The following MYO3A variants were observed in gnomAD, a reference collection of about 807,000 sequenced individuals.
The protein encoded by MYO3A is myosin-IIIa.
Under a neutral mutation model 192.7 loss-of-function variants are expected in MYO3A, and 180 were observed. That is an observed-to-expected ratio of 0.93 (90% CI 0.83 to 1.06). The LOEUF (loss-of-function observed/expected upper bound fraction) is 1.06. Ranked by LOEUF, MYO3A falls within the 50% of genes least tolerant of loss-of-function variation. The pLI, the probability that MYO3A is intolerant of heterozygous loss-of-function variation, is 0.00. For missense variants in MYO3A, 1,896 were observed against 1,905.0 expected (o/e 1.00, Z 0.09); for synonymous variants, 628 against 645.3 (o/e 0.97, Z 0.41).
At chr10:26,004,947 A>G (rs907781486) in intron 6 of MYO3A, among the ~76,000 whole-genome samples, 1 of 152,218 alleles carries the variant, frequency 6.6e-6, no homozygotes, top group African/African-American at 2.4e-5. Context: ...ATCATTTGGT[A>G]ACCATCTATG....
chr10:26,170,647 C>A, intron 29 of MYO3A, 108 bp downstream of exon 29: 1 of 1,211,494 alleles, frequency 8.3e-7, no homozygotes, highest in Non-Finnish European at 1.2e-6. Flanking sequence ...GTTCCTGATA[C>A]TGACACATCA....
intron 10 of MYO3A, among the ~76,000 whole-genome samples, chr10:26,043,299 T>G (rs969030423): frequency 2.6e-5 from 4 of 151,658 alleles, no homozygotes; most frequent in Admixed American, 1.3e-4. Flanking sequence ...ATGCCCACTG[T>G]AACCACTACC....
chr10:25,992,308 C>G (rs1275726223), intron 4 of MYO3A, among the ~76,000 whole-genome samples: 1 of 151,568 alleles, frequency 6.6e-6, no homozygotes, highest in African/African-American at 2.4e-5. Flanking sequence ...TGATTTGGCT[C>G]TCTGTCTGTG....
chr10:26,140,989 G>A (rs1335939453), intron 20 of MYO3A, among the ~76,000 whole-genome samples: 3 of 152,004 alleles, frequency 2.0e-5, no homozygotes, highest in South Asian at 4.2e-4. Context: ...GTGCAGTGGC[G>A]CAATCTCGGC....
chr10:26,071,895 A>G (rs756309446), intron 14 of MYO3A, among the ~76,000 whole-genome samples: 42 of 152,170 alleles, frequency 2.8e-4, no homozygotes, highest in Admixed American at 5.2e-4. Context: ...AGATATGTGT[A>G]TTACTCCATT....
chr10:26,067,726 G>A (rs551012015), intron 11 of MYO3A, among the ~76,000 whole-genome samples: 2 of 152,248 alleles, frequency 1.3e-5, no homozygotes, highest in African/African-American at 4.8e-5. Context: ...TCTAGTCTCA[G>A]CCTACTTTCC....
chr10:25,989,475 T>G (rs1485004838), intron 4 of MYO3A, among the ~76,000 whole-genome samples: 8 of 152,112 alleles, frequency 5.3e-5, no homozygotes, highest in African/African-American at 1.9e-4. Context: ...AATGCTAGGC[T>G]GCACATACTC....
At chr10:25,967,630 G>T (rs989157122) in intron 4 of MYO3A, among the ~76,000 whole-genome samples, 1 of 152,158 alleles carries the variant, frequency 6.6e-6, no homozygotes, top group African/African-American at 2.4e-5. Context: ...AGTCAATAGA[G>T]TCAGACCCAG....
At chr10:26,149,623 TA>T (rs1840682992) in intron 23 of MYO3A, among the ~76,000 whole-genome samples, 12 of 152,080 alleles carry the variant, frequency 7.9e-5, no homozygotes, top group African/African-American at 9.7e-5. Flanking sequence ...TTTTTTTTGT[TA>T]TTTTTTTAAA....
intron 34 of MYO3A, among the ~76,000 whole-genome samples, chr10:26,208,677 A>G (rs1589129277): frequency 1.3e-5 from 2 of 152,128 alleles, no homozygotes; most frequent in Admixed American, 6.5e-5. Context: ...ATGCTACTTG[A>G]CCTTCCCCGT....
intron 4 of MYO3A, among the ~76,000 whole-genome samples, chr10:25,994,605 C>T (rs1171378463): frequency 5.3e-5 from 8 of 152,148 alleles, no homozygotes; most frequent in Admixed American, 6.5e-5. Context: ...TTCCTAGCAT[C>T]GATGGTCTTT....
At chr10:26,195,635 A>G (rs569058167) in intron 32 of MYO3A, among the ~76,000 whole-genome samples, 1 of 152,142 alleles carries the variant, frequency 6.6e-6, no homozygotes, top group Non-Finnish European at 1.5e-5. Context: ...CCTTCCCAGT[A>G]ACCTGCATTC....
At position 26,104,837 on chromosome 10, in the gene MYO3A, T is replaced by C. The variant is rs1837693417; in HGVS notation, c.1776+8155T>C. On this transcript the variant is annotated intron_variant, in intron 17 of 34. Transcript: ENST00000642920. ...ACATAGTCCAATATTCCATATTTAT[T>C]TACCTAGTCCCAGAGTCTTGTTTAT... Among the ~76,000 whole-genome samples, 4 of 150,610 alleles carry C rather than the reference T, an allele frequency of 2.7e-5. No homozygotes were observed. The Admixed American group carries it at 2.7e-4, about 10-fold the overall frequency.
rs189288311 is a variant in MYO3A at position 25,956,531 on chromosome 10, A to G, written c.303+1523A>G. Among the ~76,000 whole-genome samples the G allele has an allele frequency of 2.1e-3, 302 of 145,694 alleles. 1 individual carries two copies. Among genetic ancestry groups the G allele is most frequent in the African/African-American group, 7.1e-3 (279 of 39,332 alleles). ...TTTTTTTTTTGTATTTTTAGTAGAG[A>G]CAGTGTTTCACTGTGTTGGCCAGTC... On this transcript the variant is annotated intron_variant, in intron 4 of 34. Coordinates refer to ENST00000642920, the MANE Select transcript of MYO3A (RefSeq NM_017433.5).
intron 4 of MYO3A, among the ~76,000 whole-genome samples, chr10:25,990,820 GT>G (rs1017992268): frequency 4.1e-5 from 6 of 146,826 alleles, no homozygotes; most frequent in African/African-American, 1.5e-4. Flanking sequence ...CTTCATCCAT[GT>G]CCCTACAAAG....
intron 10 of MYO3A, among the ~76,000 whole-genome samples, chr10:26,055,126 C>T (rs1322968151): frequency 1.3e-5 from 2 of 152,198 alleles, no homozygotes; most frequent in South Asian, 2.1e-4. Context: ...AGAGCTACAG[C>T]TCTCTCTTGG....
intron 31 of MYO3A, among the ~76,000 whole-genome samples, chr10:26,191,165 A>G (rs1480270835): frequency 6.6e-6 from 1 of 152,262 alleles, no homozygotes; most frequent in Admixed American, 6.5e-5. Context: ...AGTAATATAA[A>G]TGGATATGAC....
At chr10:26,007,734 G>T (rs939730675) in intron 6 of MYO3A, among the ~76,000 whole-genome samples, 1 of 150,480 alleles carries the variant, frequency 6.6e-6, no homozygotes, top group African/African-American at 2.5e-5. Context: ...AATAAAAGAG[G>T]ATACAAACAA....
intron 4 of MYO3A, among the ~76,000 whole-genome samples, chr10:25,994,226 G>A (rs1186645073): frequency 6.6e-6 from 1 of 151,442 alleles, no homozygotes; most frequent in Non-Finnish European, 1.5e-5. Flanking sequence ...ATTTAGGATA[G>A]TTAGCTCTTC....
Sources: gnomAD v4.1 joint callset for allele counts (sites outside exome capture counted in the v4.1 genomes callset) on GRCh38, gnomAD v4.1.1 for gene constraint, MANE v1.5 for transcripts, NCBI Gene and HGNC (gene_info 2026-07-23, HGNC 2026-07-21) for gene names.